The following DST variants were observed in gnomAD, a reference collection of about 807,000 sequenced individuals.
The protein encoded by DST is bullous pemphigoid antigen.
Under a neutral mutation model 875.2 loss-of-function variants are expected in DST, and 253 were observed. That is an observed-to-expected ratio of 0.29 (90% CI 0.26 to 0.32). The LOEUF is 0.32. Among genes scored for constraint, DST ranks in the 10% least tolerant of loss-of-function variants. The pLI is 1.00. For synonymous variants in DST, 3,124 were observed against 3,197.1 expected (o/e 0.98, Z 0.77); for missense variants, 8,287 against 9,111.6 (o/e 0.91, Z 3.68).
At chr6:56,646,670 C>T (rs1219636436) in intron 13 of DST, among the ~76,000 whole-genome samples, 1 of 151,554 alleles carries the variant, frequency 6.6e-6, no homozygotes, top group East Asian at 1.9e-4. Context: ...TTCAATGTCC[C>T]ACTGGCAAAT....
rs1389231612 is a variant in DST at position 56,604,556 on chromosome 6, T to A, written c.10072A>T (p.Ile3358Phe). ...SQVFVEDVKD[I>F]LKSRLKEGHM... ...CCTTCTTTCAACCTGCTTTTTAAGA[T>A]ATCCTTTACATCCTCCACAAATACC... is the stretch of plus-strand genomic sequence containing the variant. The change falls in exon 40 of 104, where the codon ATC becomes TTC. Residue 3358 changes from isoleucine (I) to phenylalanine (F), a missense_variant. Physicochemically the swap from Ile to Phe is conservative, Grantham distance 21. This residue lies in a region of DST where 3,138 missense variants were observed against 3,116.6 expected (regional missense o/e 1.01). Transcript: ENST00000680361. The A allele has an allele frequency of 3.1e-6, 5 of 1,612,302 alleles. No individual in the cohort carries two copies. The highest frequency in any genetic ancestry group is 4.2e-6 in the Non-Finnish European group (5 of 1,179,044).
intron 4 of DST, among the ~76,000 whole-genome samples, chr6:56,817,121 A>AT (rs898281497): frequency 1.0e-4 from 15 of 149,640 alleles, no homozygotes; most frequent in Non-Finnish European, 1.5e-4. Flanking sequence ...AGTAAATTAA[A>AT]TTTTTTTTTT....
chr6:56,516,132 GGAGAGAGA>G (rs5876515), intron 71 of DST, among the ~76,000 whole-genome samples: 1 of 146,062 alleles, frequency 6.8e-6, no homozygotes. Flanking sequence ...AGAGAGAGAG[GGAGAGAGA>G]GAGAGAGAAA....
chr6:56,808,105 G>T (rs2099755330), intron 4 of DST, among the ~76,000 whole-genome samples: 2 of 152,244 alleles, frequency 1.3e-5, no homozygotes, highest in Middle Eastern at 3.4e-3. Context: ...TGTTTACCTA[G>T]AAAGGGTGAG....
At chr6:56,610,143 A>T (rs1372914516) in intron 39 of DST, among the ~76,000 whole-genome samples, 1 of 152,144 alleles carries the variant, frequency 6.6e-6, no homozygotes, top group African/African-American at 2.4e-5. Context: ...TACCTACTAT[A>T]CTAGAAGAAT....
At chr6:56,537,148 G>A (rs2097021299) in intron 61 of DST, among the ~76,000 whole-genome samples, 1 of 152,110 alleles carries the variant, frequency 6.6e-6, no homozygotes, top group African/African-American at 2.4e-5. Flanking sequence ...AAAAACATTT[G>A]AGAATACTAA....
At chr6:56,906,076 C>A (rs1399300027) in intron 2 of DST, among the ~76,000 whole-genome samples, 1 of 152,172 alleles carries the variant, frequency 6.6e-6, no homozygotes, top group Admixed American at 6.5e-5. Flanking sequence ...CTGATTCCAA[C>A]CCCTTTGTAC....
chr6:56,467,309 G>A (rs1478901224), intron 98 of DST: 1 of 152,102 alleles, frequency 6.6e-6, no homozygotes, highest in Non-Finnish European at 1.5e-5. Flanking sequence ...TTAATACTGA[G>A]TTTCAAGAAG....
Position 56,671,735 on chromosome 6 carries a change from G to A in DST, c.1048-928C>T, listed in dbSNP as rs148815905. 2.6e-5 allele frequency among the ~76,000 whole-genome samples: 4 copies of A among 152,288 alleles called. No individual in the cohort carries two copies. In the East Asian group the frequency reaches 7.7e-4, roughly 29 times the overall value. Reference sequence around the variant, plus strand: ...ACTGTTCCCTCAATCAGTGCAAGACGCAAAGCCAAGGGATCAACAAGACAG... The same window carrying A: ...ACTGTTCCCTCAATCAGTGCAAGACACAAAGCCAAGGGATCAACAAGACAG... On this transcript the variant is annotated intron_variant, in intron 9 of 103. Transcript: ENST00000680361.
rs779735761 is a variant in DST at position 56,606,757 on chromosome 6, T to A, written c.7871A>T (p.Asp2624Val). The change falls in exon 40 of 104, where the codon GAT (aspartate) becomes GTT (valine). Residue 2624 changes from aspartate (D) to valine (V), a missense_variant. Asp to Val is a radical substitution (Grantham distance 152). Around this residue, in one of 10 missense-constraint regions of DST, gnomAD observed 3,138 missense variants for 3,116.6 expected, o/e 1.01. Transcript: ENST00000680361. ...DTPLFEDDDHDSLLLDGDDRD... is the reference protein window; with the variant it reads ...DTPLFEDDDHVSLLLDGDDRD... The stretch of plus-strand genomic sequence containing the variant: ...ATCATCACCATCAAGAAGCAAAGAA[T>A]CATGGTCATCATCTTCAAACAAGGG... 1 of 1,613,302 alleles carries A rather than the reference T, an allele frequency of 6.2e-7. No individual in the cohort carries two copies. Among genetic ancestry groups the A allele is most frequent in the African/African-American group, 1.3e-5 (1 of 74,878 alleles).
chr6:56,871,549 A>G, intron 3 of DST: 1 of 1,152,304 alleles, frequency 8.7e-7, no homozygotes, highest in South Asian at 1.2e-5. Flanking sequence ...ATCCAAATAA[A>G]CAAAGCACCT....
In DST at chr6:56,574,242, T is replaced by C. The variant is rs571946179; in HGVS notation, c.13028-355A>G. ...ATAAATACTGGTTCTCAATCTGACA[T>C]TTCACATTAGCCATACTTATTGAAA... On this transcript the variant is annotated intron_variant, in intron 50 of 103. Transcript: ENST00000680361. Among the ~76,000 whole-genome samples, 4 of 152,276 alleles carry C rather than the reference T, an allele frequency of 2.6e-5. No homozygotes were observed. The East Asian group carries it at 5.8e-4, about 22-fold the overall frequency.
chr6:56,506,863 T>A, intron 75 of DST, 74 bp from the exon 76 acceptor site: 2 of 1,394,250 alleles, frequency 1.4e-6, no homozygotes, highest in Non-Finnish European at 1.9e-6. Flanking sequence ...CACAACAATA[T>A]CAATGGTAGT....
At chr6:56,869,796 C>A (rs1354431307) in intron 3 of DST, among the ~76,000 whole-genome samples, 7 of 152,042 alleles carry the variant, frequency 4.6e-5, no homozygotes, top group African/African-American at 7.2e-5. Context: ...ACGAGCCTCC[C>A]ACCTCAGCCT....
chr6:56,679,107 A>T (rs753891451), intron 9 of DST, among the ~76,000 whole-genome samples: 5 of 149,700 alleles, frequency 3.3e-5, no homozygotes, highest in Non-Finnish European at 4.4e-5. Flanking sequence ...GGTTGAAGAA[A>T]ATTATTTTTC....
rs2098499327 is a variant in DST, at chr6:56,606,477, AT to A, written c.8150del (p.Asn2717MetfsTer25). 6.2e-7 allele frequency: 1 copy of A among 1,613,432 alleles called. No homozygotes were observed. On this transcript the variant is annotated frameshift_variant, in exon 40 of 104. Coordinates refer to ENST00000680361, the MANE Select transcript of DST (RefSeq NM_001374736.1). LOFTEE classifies it high-confidence loss of function. Reference sequence around the variant, plus strand: ...CTGATCCAGTTTCCAGTGACTGTCCATTCACCTTATCTGAGCCAACAGGATT... The same window carrying A: ...CTGATCCAGTTTCCAGTGACTGTCCATCACCTTATCTGAGCCAACAGGATT... ...HLNPVGSDKV[N>X]GQSLETGSER...
chr6:56,645,179 G>C (rs60620079), intron 15 of DST, among the ~76,000 whole-genome samples: 2,902 of 152,256 alleles, frequency 0.019, 85 homozygotes, highest in African/African-American at 0.067. Flanking sequence ...CACCCTGCAA[G>C]GTCTAGGTCC....
At chr6:56,953,616 G>A (rs1240457184) in intron 2 of DST, among the ~76,000 whole-genome samples, 169 bp downstream of exon 2, 2 of 152,158 alleles carry the variant, frequency 1.3e-5, no homozygotes, top group African/African-American at 4.8e-5. Context: ...AAAACCGTTC[G>A]CTGGGCACTA....
intron 2 of DST, among the ~76,000 whole-genome samples, chr6:56,940,823 C>G (rs1816163932): frequency 6.6e-6 from 1 of 151,878 alleles, no homozygotes; most frequent in African/African-American, 2.4e-5. Context: ...CTCCTGGGCT[C>G]AAGTGATCCT....
Sources: gnomAD v4.1 joint callset for allele counts (sites outside exome capture counted in the v4.1 genomes callset) on GRCh38, gnomAD v4.1.1 for gene constraint, gnomAD v4.1.1 regional missense constraint, MANE v1.5 for transcripts, NCBI Gene and HGNC (gene_info 2026-07-23, HGNC 2026-07-21) for gene names.